Variants in CBLN2 observed in about 807,000 individuals in gnomAD.
CBLN2 encodes cerebellin 2 precursor.
In CBLN2, 7 loss-of-function variants were observed where a neutral mutation model predicts 15.0. The ratio of observed to expected loss-of-function variants is 0.47; its 90% CI spans 0.27 to 0.88. The LOEUF (loss-of-function observed/expected upper bound fraction) is 0.88. CBLN2 is among the 40% of genes least tolerant of loss of function. The pLI, the probability that CBLN2 is intolerant of heterozygous loss-of-function variation, is 0.14. For synonymous variants in CBLN2, 149 were observed against 135.2 expected, an observed-to-expected ratio of 1.10 and a Z score of -0.71; for missense variants, 242 against 304.5, an observed-to-expected ratio of 0.79 and a Z score of 1.53.
chr18:72,637,873 G>C (rs994575785), intron 1 of CBLN2, among the ~76,000 whole-genome samples: 15 of 152,140 alleles, frequency 9.9e-5, no homozygotes, highest in Non-Finnish European at 1.8e-4. Flanking sequence ...CAATCAACGG[G>C]GCAAGGAGGC....
chr18:72,548,738 T>G (rs996543914), upstream of CBLN2, among the ~76,000 whole-genome samples: 68 of 152,334 alleles, frequency 4.5e-4, no homozygotes, highest in African/African-American at 1.6e-3. Flanking sequence ...GGCTGAATTT[T>G]ATTTCTGACC....
At chr18:72,545,680 G>T (rs1339197809), upstream of CBLN2, among the ~76,000 whole-genome samples, 1 of 152,044 alleles carries the variant, frequency 6.6e-6, no homozygotes, top group Non-Finnish European at 1.5e-5. Flanking sequence ...ACTGATTTAA[G>T]TGTAAGCATA....
At chr18:72,612,743 G>T (rs2069630825) in intron 1 of CBLN2, among the ~76,000 whole-genome samples, 1 of 152,140 alleles carries the variant, frequency 6.6e-6, no homozygotes, top group African/African-American at 2.4e-5. Flanking sequence ...AATCCTACAT[G>T]ATTTTGTTTG....
intron 2 of CBLN2, 94 bp from the exon 3 acceptor site, chr18:72,542,420 T>G: frequency 4.6e-6 from 1 of 217,340 alleles, no homozygotes; most frequent in Non-Finnish European, 8.8e-6. Context: ...TCGGGGGTTC[T>G]CCCCGAAGGC....
chr18:72,570,282 GTTTTT>G (rs34368162), intron 1 of CBLN2, among the ~76,000 whole-genome samples: 66 of 133,742 alleles, frequency 4.9e-4, no homozygotes, highest in African/African-American at 1.7e-3. Flanking sequence ...TTTCTTTCTG[GTTTTT>G]TTTTTTTTTT....
At chr18:72,616,854 G>A (rs891881225) in intron 1 of CBLN2, among the ~76,000 whole-genome samples, 1 of 152,098 alleles carries the variant, frequency 6.6e-6, no homozygotes, top group African/African-American at 2.4e-5. Context: ...CTGAATTTCT[G>A]TGTGTGTCTG....
At chr18:72,619,342 A>G (rs1042572901) in intron 1 of CBLN2, 6 of 533,358 alleles carry the variant, frequency 1.1e-5, no homozygotes, top group Non-Finnish European at 2.1e-5. Flanking sequence ...CCTAGCTGCT[A>G]CAAAGAAGCC....
chr18:72,606,711 A>G (rs1270127693), intron 1 of CBLN2, among the ~76,000 whole-genome samples: 2 of 152,236 alleles, frequency 1.3e-5, no homozygotes, highest in Non-Finnish European at 2.9e-5. Context: ...GGATGGGAGA[A>G]GATACCAGCT....
chr18:72,619,117 C>G (rs1456695456), intron 1 of CBLN2: 8 of 745,244 alleles, frequency 1.1e-5, no homozygotes, highest in Middle Eastern at 3.8e-4. Context: ...GGCAGAAGCT[C>G]TGGCCCCTAT....
intron 1 of CBLN2, among the ~76,000 whole-genome samples, chr18:72,575,004 A>T (rs2069355681): frequency 6.6e-6 from 1 of 152,014 alleles, no homozygotes; most frequent in African/African-American, 2.4e-5. Flanking sequence ...GGGAGTTGAG[A>T]GTGTTTGGGT....
At chr18:72,627,093 T>G (rs1234379282) in intron 1 of CBLN2, among the ~76,000 whole-genome samples, 1 of 152,196 alleles carries the variant, frequency 6.6e-6, no homozygotes, top group East Asian at 1.9e-4. Context: ...ATATTCCACG[T>G]GTAAAAACAC....
intron 1 of CBLN2, among the ~76,000 whole-genome samples, chr18:72,579,615 C>T (rs2069389775): frequency 6.6e-6 from 1 of 151,936 alleles, no homozygotes; most frequent in Non-Finnish European, 1.5e-5. Flanking sequence ...ACCTGTAATC[C>T]CAGCTACTTG....
upstream of CBLN2, chr18:72,544,465 G>C (rs2069143701): frequency 6.6e-6 from 1 of 152,344 alleles, no homozygotes; most frequent in Non-Finnish European, 1.5e-5. Flanking sequence ...GCGCAAACAC[G>C]GACGTGGGGC....
intron 1 of CBLN2, among the ~76,000 whole-genome samples, chr18:72,554,766 T>C (rs897252279): frequency 2.0e-5 from 3 of 152,022 alleles, no homozygotes; most frequent in Non-Finnish European, 2.9e-5. Context: ...AGAAAAAAAA[T>C]TGAAATGTAT....
intron 1 of CBLN2, among the ~76,000 whole-genome samples, chr18:72,583,663 A>G (rs1479648252): frequency 1.3e-5 from 2 of 152,236 alleles, no homozygotes; most frequent in South Asian, 2.1e-4. Flanking sequence ...AATGGCCCAG[A>G]ATTCTATTAA....
chr18:72,550,531 C>T (rs146599949), intron 1 of CBLN2, among the ~76,000 whole-genome samples: 371 of 152,068 alleles, frequency 2.4e-3, no homozygotes, highest in African/African-American at 8.5e-3. Flanking sequence ...ACGGAGGCGG[C>T]GGAAAGAAAA....
intron 1 of CBLN2, among the ~76,000 whole-genome samples, chr18:72,604,478 G>C (rs2069570200): frequency 6.6e-6 from 1 of 152,064 alleles, no homozygotes; most frequent in African/African-American, 2.4e-5. Flanking sequence ...TGTGTTTTAG[G>C]CAACACACAA....
chr18:72,567,433 A>G (rs1018553132), intron 1 of CBLN2, among the ~76,000 whole-genome samples: 3 of 152,136 alleles, frequency 2.0e-5, no homozygotes, highest in Non-Finnish European at 4.4e-5. Context: ...CTGCTTGTCC[A>G]GAATTATTAT....
intron 1 of CBLN2, chr18:72,618,741 G>A: frequency 1.4e-6 from 1 of 720,092 alleles, no homozygotes; most frequent in South Asian, 1.3e-5. Context: ...ATGACTCCGT[G>A]GATGACACTG....
Sources: gnomAD v4.1 joint callset for allele counts (sites outside exome capture counted in the v4.1 genomes callset) on GRCh38, gnomAD v4.1.1 for gene constraint, MANE v1.5 for transcripts, NCBI Gene and HGNC (gene_info 2026-07-23, HGNC 2026-07-21) for gene names.